Variants in NLRP8 observed in about 807,000 individuals in gnomAD.
NLRP8 encodes NLR family pyrin domain containing 8.
Under a neutral mutation model 88.7 loss-of-function variants are expected in NLRP8, and 86 were observed. The ratio of observed to expected loss-of-function variants is 0.97; its 90% CI spans 0.81 to 1.16. The LOEUF (loss-of-function observed/expected upper bound fraction) is 1.16, where lower values mean the gene tolerates loss of function less well. NLRP8 is among the 50% of genes most tolerant of loss of function. The pLI is 0.00. For missense variants in NLRP8, 1,342 were observed against 1,286.5 expected (o/e 1.04, Z -0.66); for synonymous variants, 504 against 494.6 (o/e 1.02, Z -0.25).
intron 9 of NLRP8, among the ~76,000 whole-genome samples, chr19:55,983,463 C>CAAAA (rs3974175): frequency 4.0e-4 from 34 of 85,310 alleles, no homozygotes; most frequent in African/African-American, 1.2e-3. Context: ...GACTCCATCT[C>CAAAA]AAAAAAAAAA....
chr19:55,955,514 G>T lies in NLRP8; in HGVS notation c.1456G>T (p.Ala486Ser), dbSNP rs749710577. Residue 486 changes from alanine (A) to serine (S), a missense_variant, in exon 3 of 10, where the codon GCC (alanine) becomes TCC (serine). Transcript: ENST00000291971. ...CAAGCTGGATCAGACGGGAGTCACC[G>T]CCTTCCTTGGCATGAGTATTCTTCG... 15 of 1,614,172 alleles carry T rather than the reference G, an allele frequency of 9.3e-6. No individual in the cohort carries two copies. In the South Asian group the frequency reaches 1.6e-4, roughly 18 times the overall value.
chr19:55,976,065 T>G, intron 7 of NLRP8, 68 bp from the exon 8 acceptor site: 59 of 1,171,092 alleles, frequency 5.0e-5, no homozygotes, highest in Non-Finnish European at 6.3e-5. Context: ...GGTGTTTTCG[T>G]TGTTGTTGTT....
rs767673698 is a variant in NLRP8 at position 55,955,338 on chromosome 19, T to A, written c.1280T>A (p.Phe427Tyr). 19 of 1,614,070 alleles carry A rather than the reference T, an allele frequency of 1.2e-5. No homozygotes were observed. In the South Asian group the frequency reaches 1.8e-4, roughly 15 times the overall value. The stretch of plus-strand genomic sequence containing the variant: ...TCATGTCCAAATGCCACCTCTGTGT[T>A]CGTCCGGTATATTTCTAGCTTGTTT... The change falls in exon 3 of 10, where the codon TTC becomes TAC. Residue 427 changes from phenylalanine to tyrosine, a missense_variant. By Grantham distance (22) the Phe-to-Tyr change is conservative. Coordinates refer to ENST00000291971, the MANE Select transcript of NLRP8 (RefSeq NM_176811.2).
chr19:55,988,040 A>G lies in NLRP8; in HGVS notation c.*127A>G, dbSNP rs1432708308. ...CCTGAAACAGAGCAACCCAGTCAAC[A>G]CCACAGAACCTCAGCTTTGAACCCT... is the stretch of plus-strand genomic sequence containing the variant. On this transcript the variant is annotated 3_prime_UTR_variant, in exon 10 of 10. Transcript: ENST00000291971. 3 of 686,504 alleles carry G rather than the reference A, an allele frequency of 4.4e-6. No homozygotes were observed. Among genetic ancestry groups the G allele is most frequent in the East Asian group, 5.6e-5 (2 of 35,974 alleles). 42.5% of individuals were successfully genotyped at this position (686,504 alleles called of 1,614,324 possible). A position where few individuals can be genotyped will look rare whatever the true frequency, so the allele number is the denominator to read the frequency against.
chr19:55,952,491 C>T lies in NLRP8; in HGVS notation c.368-47C>T, dbSNP rs199475835. The stretch of plus-strand genomic sequence containing the variant: ...TGGCTCCATGCTGTTTCCCTGCTAC[C>T]AAGATCTTATCATTCCCGTGGAACA... On this transcript the variant is annotated intron_variant, in intron 1 of 9. Transcript: ENST00000291971. 1 of 1,519,804 alleles carries T rather than the reference C, an allele frequency of 6.6e-7. No individual in the cohort carries two copies. The highest frequency in any genetic ancestry group is 1.4e-5 in the African/African-American group (1 of 73,004). 94.1% of individuals were successfully genotyped at this position (1,519,804 alleles called of 1,614,324 possible).
Position 55,950,525 on chromosome 19 carries a change from C to T in NLRP8, c.368-2013C>T, listed in dbSNP as rs545976485. On this transcript the variant is annotated intron_variant, in intron 1 of 9. Coordinates refer to ENST00000291971, the MANE Select transcript of NLRP8 (RefSeq NM_176811.2). ...ATGTGCCTACTCATTAAAATGTATT[C>T]GTAACCCCCAAATCAATACTTACAG... Among the ~76,000 whole-genome samples the T allele has an allele frequency of 1.4e-4, 21 of 152,238 alleles. No individual in the cohort carries two copies. In the South Asian group the frequency reaches 3.9e-3, roughly 29 times the overall value.
Position 55,966,142 on chromosome 19 carries a change from G to A in NLRP8, c.2214-71G>A, listed in dbSNP as rs576817489. 92 of 1,487,892 alleles carry A rather than the reference G, an allele frequency of 6.2e-5. 1 individual carries two copies. The South Asian group carries it at 6.7e-4, about 11-fold the overall frequency. The allele number at this position is 1,487,892 out of a possible 1,614,324, so 92.2% of individuals were successfully genotyped here. On this transcript the variant is annotated intron_variant, in intron 4 of 9. Transcript: ENST00000291971. ...CCCACGTGCAGCTTCCGGGAGCCTC[G>A]TTTGTGAGGCCACAGAATTCTACGA... is the stretch of plus-strand genomic sequence containing the variant.
At chr19:55,970,835 T>G (rs1980045344) in intron 6 of NLRP8, 139 bp downstream of exon 6, 1 of 1,118,132 alleles carries the variant, frequency 8.9e-7, no homozygotes, top group African/African-American at 1.6e-5. Context: ...TTGATGTAAT[T>G]ATATAGATAG....
At chr19:55,960,739 T>C (rs2123198138) in intron 3 of NLRP8, among the ~76,000 whole-genome samples, 1 of 152,296 alleles carries the variant, frequency 6.6e-6, no homozygotes, top group East Asian at 1.9e-4. Context: ...AAAATTACGC[T>C]AGTGTAAATA....
At chr19:55,982,657 A>G (rs1980621577) in intron 9 of NLRP8, among the ~76,000 whole-genome samples, 1 of 152,202 alleles carries the variant, frequency 6.6e-6, no homozygotes, top group Non-Finnish European at 1.5e-5. Context: ...TCAGAGAACA[A>G]TGGGGGCCAG....
At chr19:55,983,376 A>G (rs1030784559) in intron 9 of NLRP8, among the ~76,000 whole-genome samples, 1 of 149,194 alleles carries the variant, frequency 6.7e-6, no homozygotes, top group African/African-American at 2.5e-5. Context: ...AGGCAGGAGA[A>G]TCACTTGAAC....
At chr19:55,960,898 T>C in intron 3 of NLRP8, among the ~76,000 whole-genome samples, 1 of 16,720 alleles carries the variant, frequency 6.0e-5, no homozygotes, top group Non-Finnish European at 1.1e-4. Context: ...ACTATTTCTC[T>C]TTTTTTTTTT....
Position 55,955,310 on chromosome 19 carries a change from C to T in NLRP8, c.1252C>T (p.Gln418Ter). 1 of 1,614,204 alleles carries T rather than the reference C, an allele frequency of 6.2e-7. No individual in the cohort carries two copies. Among genetic ancestry groups the T allele is most frequent in the South Asian group, 1.1e-5 (1 of 91,086 alleles). ...AATGGAGAGAGGAAACAATCTCACA[C>T]AGTCATGTCCAAATGCCACCTCTGT... The change falls in exon 3 of 10, where the codon CAG becomes TAG. Residue 418 changes from glutamine to a stop codon, truncating the protein, a stop_gained. Transcript: ENST00000291971. LOFTEE classifies it high-confidence loss of function.
intron 9 of NLRP8, 43 bp downstream of exon 9, chr19:55,979,607 GA>G: frequency 6.2e-7 from 1 of 1,606,808 alleles, no homozygotes; most frequent in South Asian, 1.1e-5. Context: ...TACCACACAA[GA>G]GAAGCTCCTT....
intron 3 of NLRP8, among the ~76,000 whole-genome samples, chr19:55,956,965 T>A (rs778341547): frequency 7.2e-5 from 11 of 152,124 alleles, no homozygotes; most frequent in Non-Finnish European, 1.2e-4. Flanking sequence ...GCTAATTTTT[T>A]ATTTTTTTGG....
Position 55,976,177 on chromosome 19 carries a change from T to A in NLRP8, c.2750T>A (p.Ile917Asn). The change falls in exon 8 of 10, where the codon ATC (isoleucine) becomes AAC (asparagine). Residue 917 changes from isoleucine (I) to asparagine (N), a missense_variant. Physicochemically the swap from Ile to Asn is moderately radical, Grantham distance 149. Coordinates refer to ENST00000291971, the MANE Select transcript of NLRP8 (RefSeq NM_176811.2). ...ACCTTTAATTGCTGTCAGGATATGA[T>A]CTCTGCGCTCTGTAAAAATAAAACC... 6.2e-7 allele frequency: 1 copy of A among 1,613,424 alleles called. No individual in the cohort carries two copies. The highest frequency in any genetic ancestry group is 2.2e-5 in the East Asian group (1 of 44,832).
chr19:55,970,463 T>G, intron 5 of NLRP8, 81 bp from the exon 6 acceptor site: 15 of 1,480,670 alleles, frequency 1.0e-5, no homozygotes, highest in African/African-American at 1.4e-5. Flanking sequence ...GACTGAGACA[T>G]GAGACAGTGG....
rs1568459172 is a variant in NLRP8, at chr19:55,954,673, C to T, written c.615C>T (p.Thr205=). 21 of 1,613,994 alleles carry T rather than the reference C, an allele frequency of 1.3e-5. No homozygotes were observed. Among genetic ancestry groups the T allele is most frequent in the Non-Finnish European group, 1.6e-5 (19 of 1,180,046 alleles). ...GACCCCAGGGTAGACAGCCCAAGAC[C>T]GTGGCCATACAGGGAGCTCCTGGGA... The change falls in exon 3 of 10, where the codon ACC becomes ACT. Residue 205 remains threonine, a synonymous_variant. Coordinates refer to ENST00000291971, the MANE Select transcript of NLRP8 (RefSeq NM_176811.2).
chr19:55,976,645 T>G (rs559014316), intron 8 of NLRP8, among the ~76,000 whole-genome samples: 2 of 151,666 alleles, frequency 1.3e-5, no homozygotes, highest in Non-Finnish European at 2.9e-5. Context: ...TAGACTGATA[T>G]CTGAGATGAC....
Sources: gnomAD v4.1 joint callset for allele counts (sites outside exome capture counted in the v4.1 genomes callset) on GRCh38, gnomAD v4.1.1 for gene constraint, MANE v1.5 for transcripts, NCBI Gene and HGNC (gene_info 2026-07-23, HGNC 2026-07-21) for gene names.